CAPZB: variants seen among roughly 807,000 people sequenced by gnomAD.
CAPZB encodes F-actin-capping protein subunit beta.
Under a neutral mutation model 38.1 loss-of-function variants are expected in CAPZB, and 2 were observed. That is an observed-to-expected ratio of 0.05 (90% CI 0.02 to 0.17). The LOEUF is 0.17. Ranked by LOEUF, CAPZB falls within the 10% of genes least tolerant of loss-of-function variation. The pLI, the probability that CAPZB is intolerant of heterozygous loss-of-function variation, is 1.00. For missense variants in CAPZB, 161 were observed against 334.2 expected, an observed-to-expected ratio of 0.48 and a Z score of 4.04; for synonymous variants, 107 against 127.4, an observed-to-expected ratio of 0.84 and a Z score of 1.08.
chr1:19,425,443 G>A (rs1001371269), intron 1 of CAPZB, among the ~76,000 whole-genome samples: 21 of 151,832 alleles, frequency 1.4e-4, no homozygotes, highest in Non-Finnish European at 2.4e-4. Context: ...CAAAATCAGT[G>A]TGGAAAAAAA....
In CAPZB at chr1:19,381,782, T is replaced by A. The variant is rs147085657; in HGVS notation, c.216-3129A>T. ...ATCTCAGCTCACTGCAACCTGTGTC[T>A]CCTGGGTTCAAGCAGATTCTCCTGC... is the stretch of plus-strand genomic sequence containing the variant. On this transcript the variant is annotated intron_variant, in intron 3 of 8. Transcript: ENST00000264202. Among the ~76,000 whole-genome samples, 360 of 148,448 alleles carry A rather than the reference T, an allele frequency of 2.4e-3. 5 individuals are homozygous for A. Among genetic ancestry groups the A allele is most frequent in the African/African-American group, 8.7e-3 (350 of 40,122 alleles).
At chr1:19,414,471 TAA>T (rs1305742422) in intron 2 of CAPZB, among the ~76,000 whole-genome samples, 1 of 151,904 alleles carries the variant, frequency 6.6e-6, no homozygotes, top group Non-Finnish European at 1.5e-5. Flanking sequence ...CTTGATAGAG[TAA>T]AGTCTGGGGA....
At chr1:19,353,060 A>C (rs2094000449) in intron 6 of CAPZB, among the ~76,000 whole-genome samples, 1 of 152,234 alleles carries the variant, frequency 6.6e-6, no homozygotes, top group Non-Finnish European at 1.5e-5. Context: ...AAACAGGAAG[A>C]CAAGGGTGCG....
intron 3 of CAPZB, among the ~76,000 whole-genome samples, chr1:19,383,404 G>T (rs1312559011): frequency 7.0e-6 from 1 of 143,836 alleles, no homozygotes; most frequent in Non-Finnish European, 1.5e-5. Context: ...CTGAGATCGT[G>T]CCACTGCACT....
chr1:19,344,768 C>T (rs185692319), intron 7 of CAPZB, among the ~76,000 whole-genome samples: 1 of 152,332 alleles, frequency 6.6e-6, no homozygotes, highest in Non-Finnish European at 1.5e-5. Context: ...AACCCGAGAG[C>T]ACCTCCCTGC....
chr1:19,382,798 G>A (rs11585677), intron 3 of CAPZB, among the ~76,000 whole-genome samples: 17,751 of 152,088 alleles, frequency 0.12, 2,276 homozygotes, highest in African/African-American at 0.32. Flanking sequence ...GAGTTTTTAG[G>A]TGGAAATAAT....
At chr1:19,369,514 G>C (rs1204961805) in intron 4 of CAPZB, among the ~76,000 whole-genome samples, 1 of 152,254 alleles carries the variant, frequency 6.6e-6, no homozygotes, top group Non-Finnish European at 1.5e-5. Context: ...AGGCAGGGCG[G>C]GTTCTCAGAG....
intron 4 of CAPZB, among the ~76,000 whole-genome samples, chr1:19,361,963 A>G (rs2094055106): frequency 6.6e-6 from 1 of 152,220 alleles, no homozygotes; most frequent in African/African-American, 2.4e-5. Context: ...CATGTGAGTG[A>G]ATGATCAAAT....
intron 1 of CAPZB, among the ~76,000 whole-genome samples, chr1:19,439,704 T>A (rs2094469432): frequency 6.6e-6 from 1 of 152,188 alleles, no homozygotes; most frequent in African/African-American, 2.4e-5. Flanking sequence ...GCAGCTTCCC[T>A]CCCGGCTGAC....
At chr1:19,484,368 G>A in intron 1 of CAPZB, 3 of 1,546,320 alleles carry the variant, frequency 1.9e-6, no homozygotes, top group East Asian at 2.4e-5. Flanking sequence ...TCCTTGTCCT[G>A]TGGGCCACCC....
At chr1:19,469,027 G>A (rs919890253) in intron 1 of CAPZB, among the ~76,000 whole-genome samples, 33 of 152,176 alleles carry the variant, frequency 2.2e-4, no homozygotes, top group African/African-American at 8.0e-4. Flanking sequence ...TCCATATAGC[G>A]ACGGCAAGTA....
intron 6 of CAPZB, among the ~76,000 whole-genome samples, chr1:19,351,986 T>G (rs1432402628): frequency 6.6e-6 from 1 of 152,146 alleles, no homozygotes; most frequent in African/African-American, 2.4e-5. Context: ...CAGACGCCCC[T>G]TGAAGCTGCG....
intron 1 of CAPZB, among the ~76,000 whole-genome samples, chr1:19,444,157 CA>C (rs1303361786): frequency 7.1e-6 from 1 of 140,584 alleles, no homozygotes; most frequent in Non-Finnish European, 1.6e-5. Context: ...GACTCCGTCT[CA>C]AGGAAAAAAA....
chr1:19,475,853 T>C (rs966067680), intron 1 of CAPZB, among the ~76,000 whole-genome samples: 7 of 152,178 alleles, frequency 4.6e-5, no homozygotes, highest in Non-Finnish European at 7.3e-5. Flanking sequence ...CATTCAGTCA[T>C]TCATCTAACA....
At chr1:19,383,163 G>C (rs183593830) in intron 3 of CAPZB, among the ~76,000 whole-genome samples, 1 of 152,010 alleles carries the variant, frequency 6.6e-6, no homozygotes, top group East Asian at 1.9e-4. Flanking sequence ...AAATTAGCTG[G>C]GGCTGGGCGC....
intron 1 of CAPZB, among the ~76,000 whole-genome samples, chr1:19,422,276 A>C (rs1391143328): frequency 2.0e-5 from 3 of 152,112 alleles, no homozygotes; most frequent in African/African-American, 7.2e-5. Context: ...GGATGCTTCT[A>C]AACATCCCAA....
chr1:19,442,009 C>CAAAAAA (rs11384902), intron 1 of CAPZB, among the ~76,000 whole-genome samples: 2 of 86,046 alleles, frequency 2.3e-5, no homozygotes, highest in Non-Finnish European at 2.1e-5. Flanking sequence ...ACTCTGTCTC[C>CAAAAAA]AAAAAAAAAA....
At chr1:19,383,104 C>T (rs1342138912) in intron 3 of CAPZB, among the ~76,000 whole-genome samples, 1 of 115,910 alleles carries the variant, frequency 8.6e-6, no homozygotes, top group African/African-American at 3.3e-5. Flanking sequence ...CAAAATGAGG[C>T]CCCCATCTCT....
At chr1:19,376,124 AG>A (rs1306939640) in intron 4 of CAPZB, among the ~76,000 whole-genome samples, 4 of 152,240 alleles carry the variant, frequency 2.6e-5, no homozygotes, top group Non-Finnish European at 5.9e-5. Flanking sequence ...TGAACACTTA[AG>A]TCTCATAAAG....
Sources: allele counts gnomAD v4.1 joint callset (sites outside exome capture counted in the v4.1 genomes callset), GRCh38; gene constraint gnomAD v4.1.1; transcripts MANE v1.5; gene names NCBI Gene and HGNC (gene_info 2026-07-23, HGNC 2026-07-21).